Variants in GPR55 observed in about 807,000 individuals in gnomAD.
GPR55 encodes the protein G protein-coupled receptor 55, also known as G-protein coupled receptor 55.
In GPR55, 6 loss-of-function variants were observed where a neutral mutation model predicts 7.9. The ratio of observed to expected loss-of-function variants is 0.76; its 90% CI spans 0.41 to 1.49. GPR55 has a LOEUF of 1.49. Among genes scored for constraint, GPR55 ranks in the 40% most tolerant of loss-of-function variants. GPR55 has a pLI of 0.01. For synonymous variants in GPR55, 183 were observed against 166.8 expected (o/e 1.10, Z -0.75); for missense variants, 376 against 406.0 (o/e 0.93, Z 0.63).
At chr2:230,953,206 T>A (rs1040833661) in intron 1 of GPR55, among the ~76,000 whole-genome samples, 17 of 152,172 alleles carry the variant, frequency 1.1e-4, no homozygotes, top group African/African-American at 4.1e-4. Flanking sequence ...GTGGGCAGAA[T>A]AATCTCCCCT....
At chr2:230,921,757 C>T (rs1278949412) in intron 1 of GPR55, among the ~76,000 whole-genome samples, 1 of 152,186 alleles carries the variant, frequency 6.6e-6, no homozygotes, top group East Asian at 1.9e-4. Flanking sequence ...GGCCAATGCA[C>T]AGCTCTGATC....
chr2:230,929,401 T>C (rs1282618017), upstream of GPR55, among the ~76,000 whole-genome samples: 1 of 152,256 alleles, frequency 6.6e-6, no homozygotes, highest in East Asian at 1.9e-4. Context: ...TCAGTGATGC[T>C]TAATGTCAAG....
intron 1 of GPR55, among the ~76,000 whole-genome samples, chr2:230,949,908 C>G (rs1272999377): frequency 6.6e-6 from 1 of 152,080 alleles, no homozygotes; most frequent in Non-Finnish European, 1.5e-5. Context: ...AATCTCGGCT[C>G]ACTACAACCT....
At chr2:230,929,160 C>G (rs887863998), upstream of GPR55, among the ~76,000 whole-genome samples, 1 of 152,076 alleles carries the variant, frequency 6.6e-6, no homozygotes, top group Non-Finnish European at 1.5e-5. Context: ...GCCACCAAGC[C>G]CCACTTAAAC....
intron 1 of GPR55, among the ~76,000 whole-genome samples, chr2:230,918,041 T>C (rs914362264): frequency 1.3e-5 from 2 of 152,132 alleles, no homozygotes; most frequent in African/African-American, 4.8e-5. Context: ...ATTAAGCACT[T>C]AACTTGAGCA....
At position 230,944,344 on chromosome 2, in the gene GPR55, C is replaced by G. The variant is rs887962715; in HGVS notation, c.-135+16431G>C. 5.3e-5 allele frequency among the ~76,000 whole-genome samples: 8 copies of G among 152,214 alleles called. No individual in the cohort carries two copies. Among genetic ancestry groups the G allele is most frequent in the African/African-American group, 1.9e-4 (8 of 41,450 alleles). On this transcript the variant is annotated intron_variant, in intron 1 of 1. Transcript: ENST00000392039. The surrounding 1 kb of genome is among the most constrained non-coding windows in gnomAD (Gnocchi z 4.2). ...GGTCCTGCACACGTGAGTCTGTGAC[C>G]TGACAGCTGTGCCTGCTTCACCAGT...
chr2:230,956,353 T>C (rs1691484117), intron 1 of GPR55, among the ~76,000 whole-genome samples: 1 of 151,568 alleles, frequency 6.6e-6, no homozygotes, highest in South Asian at 2.1e-4. Flanking sequence ...TTTAGTAGAG[T>C]TGGCAGTTTC....
upstream of GPR55, among the ~76,000 whole-genome samples, chr2:230,926,040 T>A (rs960967071): frequency 6.6e-6 from 1 of 152,204 alleles, no homozygotes; most frequent in Non-Finnish European, 1.5e-5. Flanking sequence ...TCTCATGCCC[T>A]GGAGGTGCTG....
intron 1 of GPR55, among the ~76,000 whole-genome samples, chr2:230,947,395 A>C (rs1680250002): frequency 6.6e-6 from 1 of 152,140 alleles, no homozygotes; most frequent in African/African-American, 2.4e-5. Context: ...ATTGCATCTA[A>C]GTTGCAAGGT....
chr2:230,912,039 C>T (rs546265655), intron 1 of GPR55, among the ~76,000 whole-genome samples: 68 of 152,174 alleles, frequency 4.5e-4, no homozygotes, highest in Non-Finnish European at 8.7e-4. Flanking sequence ...ACCCTCTCCC[C>T]ACTTGCCCGC....
At chr2:230,941,301 G>A (rs1691229647) in intron 1 of GPR55, among the ~76,000 whole-genome samples, 1 of 152,068 alleles carries the variant, frequency 6.6e-6, no homozygotes, top group Non-Finnish European at 1.5e-5. Flanking sequence ...CCCTCTGAGT[G>A]CCCAGAGTCC....
chr2:230,909,649 A>G lies in GPR55; in HGVS notation c.*354T>C, dbSNP rs1298188539. 4 of 224,488 alleles carry G rather than the reference A, an allele frequency of 1.8e-5. No homozygotes were observed. The highest frequency in any genetic ancestry group is 3.5e-5 in the Non-Finnish European group (4 of 113,438). The allele number at this position is 224,488 out of a possible 1,614,324, so 13.9% of individuals were successfully genotyped here. A position where few individuals can be genotyped will look rare whatever the true frequency, so the allele number is the denominator to read the frequency against. ...CTTTTCTCTCTCTCTCTTTCTTTCC[A>G]GAACCTCCCAGTCGAACAGGAAAAT... On this transcript the variant is annotated 3_prime_UTR_variant, in exon 2 of 2. Transcript: ENST00000650999.
intron 1 of GPR55, among the ~76,000 whole-genome samples, chr2:230,931,840 G>T (rs1318694269): frequency 6.6e-6 from 1 of 151,794 alleles, no homozygotes; most frequent in Non-Finnish European, 1.5e-5. Flanking sequence ...CAGTCCATTC[G>T]CCTGCTTGCC....
chr2:230,907,498 G>T lies in GPR55; in HGVS notation c.*2505C>A, dbSNP rs1690476938. ...TCCTGCCGAGCAGCCGTAGTGGCCT[G>T]CAGCATGGACCTGTGCCCGCTCCCA... On this transcript the variant is annotated 3_prime_UTR_variant, in exon 2 of 2. Transcript: ENST00000650999. 6.6e-6 allele frequency: 1 copy of T among 152,288 alleles called. No individual in the cohort carries two copies. The highest frequency in any genetic ancestry group is 6.5e-5 in the Admixed American group (1 of 15,292). The allele number at this position is 152,288 out of a possible 1,614,324, so 9.4% of individuals were successfully genotyped here.
chr2:230,946,624 G>T (rs1355641256), intron 1 of GPR55, among the ~76,000 whole-genome samples: 2 of 152,220 alleles, frequency 1.3e-5, no homozygotes, highest in East Asian at 3.8e-4. Flanking sequence ...GGAGGGTAGA[G>T]ATCAATGAAC....
At chr2:230,934,372 A>G (rs1691100825) in intron 1 of GPR55, among the ~76,000 whole-genome samples, 1 of 152,204 alleles carries the variant, frequency 6.6e-6, no homozygotes, top group African/African-American at 2.4e-5. Flanking sequence ...ACCCCAGCAC[A>G]GCTGCTCTTT....
Position 230,910,634 on chromosome 2 carries a change from A to C in GPR55, c.329T>G (p.Phe110Cys), listed in dbSNP as rs1690569240. The change falls in exon 2 of 2, where the codon TTC becomes TGC. Residue 110 changes from phenylalanine (F) to cysteine (C), a missense_variant. Physicochemically the swap from Phe to Cys is radical, Grantham distance 205. Coordinates refer to ENST00000650999, the MANE Select transcript of GPR55 (RefSeq NM_005683.4). This position sits in a 1 kb window ranked among gnomAD's most constrained non-coding sequence, Gnocchi z 5.4. Reference sequence around the variant, plus strand: ...GTCCATGCTGATGAAGCAGATGGTGAAGACGCTTCCGTACATGCTGACGAA... The same window carrying C: ...GTCCATGCTGATGAAGCAGATGGTGCAGACGCTTCCGTACATGCTGACGAA... ...LYFVSMYGSV[F>C]TICFISMDRF... is the part of the protein sequence containing the mutation. The C allele has an allele frequency of 6.2e-7, 1 of 1,613,834 alleles. No individual in the cohort carries two copies. Among genetic ancestry groups the C allele is most frequent in the Non-Finnish European group, 8.5e-7 (1 of 1,179,972 alleles).
chr2:230,926,002 G>A (rs1206427223), upstream of GPR55, among the ~76,000 whole-genome samples: 2 of 152,206 alleles, frequency 1.3e-5, no homozygotes, highest in Admixed American at 6.5e-5. Flanking sequence ...AGGAAAGTCT[G>A]GGCTGAAACT....
intron 1 of GPR55, among the ~76,000 whole-genome samples, chr2:230,952,096 G>A (rs1053675077): frequency 1.3e-5 from 2 of 152,020 alleles, no homozygotes; most frequent in Non-Finnish European, 2.9e-5. Context: ...GGGAGGGGGG[G>A]TTACTAGACC....
Sources: allele counts gnomAD v4.1 joint callset (sites outside exome capture counted in the v4.1 genomes callset), GRCh38; gene constraint gnomAD v4.1.1; non-coding constraint Gnocchi (gnomAD v3.1); transcripts MANE v1.5; gene names NCBI Gene and HGNC (gene_info 2026-07-23, HGNC 2026-07-21).